BMS1: variants seen among roughly 807,000 people sequenced by gnomAD.
The protein encoded by BMS1 is ribosome biogenesis protein BMS1 homolog.
BMS1 carries 53 observed loss-of-function variants against 138.7 expected under a neutral mutation model. The ratio of observed to expected loss-of-function variants is 0.38; its 90% confidence interval spans 0.31 to 0.48. The LOEUF is 0.48. BMS1 is among the 20% of genes least tolerant of loss of function. The probability of loss-of-function intolerance (pLI) is 0.97; values close to 1 mark genes in which losing one functional copy is unlikely to be tolerated. For missense variants in BMS1, 1,360 were observed against 1,565.5 expected, an observed-to-expected ratio of 0.87 and a Z score of 2.22; for synonymous variants, 504 against 539.9, an observed-to-expected ratio of 0.93 and a Z score of 0.92.
rs758347529 is a variant in BMS1, at chr10:42,797,412, G to A, written c.1988-10G>A. Reference sequence around the variant, plus strand: ...TAAGCCTAACTGGAGGTTGGCATTGGTCGTTTCAGGTGCCCTCAAGTGGAA... The same window carrying A: ...TAAGCCTAACTGGAGGTTGGCATTGATCGTTTCAGGTGCCCTCAAGTGGAA... On this transcript the variant is annotated splice_polypyrimidine_tract_variant and intron_variant, in intron 10 of 22. Transcript: ENST00000374518. The A allele has an allele frequency of 2.5e-6, 4 of 1,614,054 alleles. No individual in the cohort carries two copies. In the South Asian group the frequency reaches 4.4e-5, roughly 18 times the overall value.
At chr10:42,793,573 A>G (rs1041028837) in intron 8 of BMS1, among the ~76,000 whole-genome samples, 1 of 152,200 alleles carries the variant, frequency 6.6e-6, no homozygotes, top group Non-Finnish European at 1.5e-5. Context: ...ATTTTAAAAT[A>G]TTAGAAAAGC....
At chr10:42,799,869 T>C (rs543307299) in intron 12 of BMS1, among the ~76,000 whole-genome samples, 4 of 152,344 alleles carry the variant, frequency 2.6e-5, no homozygotes, top group Non-Finnish European at 2.9e-5. Flanking sequence ...AGTCTATCTT[T>C]TAACATTTTT....
chr10:42,784,283 A>G lies in BMS1; in HGVS notation c.-33-79A>G, dbSNP rs190113118. ...ATCTCTTCATAAAGAAATAAATGAA[A>G]TTTACTGTTTTTCCCTGGGTATTGC... On this transcript the variant is annotated intron_variant, in intron 1 of 22. Coordinates refer to ENST00000374518, the MANE Select transcript of BMS1 (RefSeq NM_014753.4). 884 of 1,027,782 alleles carry G rather than the reference A, an allele frequency of 8.6e-4. 7 individuals carry two copies. The African/African-American group carries it at 0.013, about 15-fold the overall frequency. 63.7% of individuals were successfully genotyped at this position (1,027,782 alleles called of 1,614,324 possible). A position where few individuals can be genotyped will look rare whatever the true frequency, so the allele number is the denominator to read the frequency against.
intron 15 of BMS1, among the ~76,000 whole-genome samples, chr10:42,819,560 C>T (rs1842443396): frequency 6.6e-6 from 1 of 152,052 alleles, no homozygotes; most frequent in South Asian, 2.1e-4. Flanking sequence ...CAGGAAACAG[C>T]CATCAGCTGA....
intron 21 of BMS1, 51 bp from the exon 22 acceptor site, chr10:42,830,210 T>A (rs368570049): frequency 1.9e-6 from 3 of 1,590,568 alleles, no homozygotes; most frequent in Non-Finnish European, 2.6e-6. Context: ...AAGTTTTAAA[T>A]GCACATTGAT....
At position 42,793,029 on chromosome 10, in the gene BMS1, A is replaced by C; in HGVS notation, c.974A>C (p.Lys325Thr). The C allele has an allele frequency of 6.2e-7, 1 of 1,614,126 alleles. No homozygotes were observed. The highest frequency in any genetic ancestry group is 1.1e-5 in the South Asian group (1 of 91,082). ...TGCGCTCTTCCTGAACAACAAAAGA[A>C]GCGCTGTTTAAATGAGAAGGAGAAG... ...DPCALPEQQK[K>T]RCLNEKEKLV... Residue 325 changes from lysine to threonine, a missense_variant, in exon 8 of 23, where the codon AAG becomes ACG. By Grantham distance (78) the Lys-to-Thr change is moderately conservative. Around this residue, in one of 3 missense-constraint regions of BMS1, gnomAD observed 697 missense variants for 686.2 expected, o/e 1.02. Coordinates refer to ENST00000374518, the MANE Select transcript of BMS1 (RefSeq NM_014753.4).
At chr10:42,826,538 G>C (rs7077716) in intron 21 of BMS1, among the ~76,000 whole-genome samples, 1 of 152,078 alleles carries the variant, frequency 6.6e-6, no homozygotes, top group Non-Finnish European at 1.5e-5. Context: ...TTGGGCCCTC[G>C]GGGGCAGGGA....
At chr10:42,822,332 C>T (rs111240232) in intron 19 of BMS1, 148 bp downstream of exon 19, 1 of 543,010 alleles carries the variant, frequency 1.8e-6, no homozygotes, top group Non-Finnish European at 3.1e-6. Flanking sequence ...CCTTTATATT[C>T]TGTGTTACTT....
intron 13 of BMS1, among the ~76,000 whole-genome samples, chr10:42,814,175 T>C (rs1779076064): frequency 6.6e-6 from 1 of 152,248 alleles, no homozygotes; most frequent in Admixed American, 6.5e-5. Context: ...GAATTAGTTA[T>C]TTGCATGCTT....
In BMS1 at chr10:42,831,156, A is replaced by G. The variant is rs1329694330; in HGVS notation, c.*60A>G. On this transcript the variant is annotated 3_prime_UTR_variant, in exon 23 of 23. Coordinates refer to ENST00000374518, the MANE Select transcript of BMS1 (RefSeq NM_014753.4). ...GGAGGTAGACAGTTTCAAACATCAC[A>G]GTTTGAATGCCTGTGAATGACAAGT... is the stretch of plus-strand genomic sequence containing the variant. 7 of 1,453,748 alleles carry G rather than the reference A, an allele frequency of 4.8e-6. No individual in the cohort carries two copies. In the African/African-American group the frequency reaches 1.0e-4, roughly 21 times the overall value. 90.1% of individuals were successfully genotyped at this position (1,453,748 alleles called of 1,614,324 possible). A position where few individuals can be genotyped will look rare whatever the true frequency, so the allele number is the denominator to read the frequency against.
intron 13 of BMS1, among the ~76,000 whole-genome samples, chr10:42,807,082 G>A (rs1157447539): frequency 6.6e-6 from 1 of 151,654 alleles, no homozygotes; most frequent in Non-Finnish European, 1.5e-5. Context: ...ATACTTCTGT[G>A]CTCTTTTATC....
intron 13 of BMS1, among the ~76,000 whole-genome samples, chr10:42,809,041 A>C (rs970668378): frequency 6.6e-6 from 1 of 152,188 alleles, no homozygotes; most frequent in African/African-American, 2.4e-5. Context: ...GTCTACAACA[A>C]CTTACCTGGG....
intron 13 of BMS1, among the ~76,000 whole-genome samples, chr10:42,807,907 C>T (rs1340542814): frequency 6.6e-6 from 1 of 152,140 alleles, no homozygotes; most frequent in Non-Finnish European, 1.5e-5. Context: ...TTTCTACTAG[C>T]AATTATGTGA....
At chr10:42,818,733 C>T (rs1358481930) in intron 15 of BMS1, among the ~76,000 whole-genome samples, 3 of 152,074 alleles carry the variant, frequency 2.0e-5, no homozygotes, top group Non-Finnish European at 4.4e-5. Context: ...ATGTAGATGC[C>T]CTCAGCATGT....
rs754914301 is a variant in BMS1 at position 42,784,584 on chromosome 10, C to T, written c.176+14C>T. 3.8e-5 allele frequency: 61 copies of T among 1,584,690 alleles called. No homozygotes were observed. The highest frequency in any genetic ancestry group is 4.7e-5 in the Non-Finnish European group (55 of 1,169,832). The stretch of plus-strand genomic sequence containing the variant: ...ATCCTTTCACAGGTATGTTAGGCTA[C>T]GGTCTGGTCATTCTTCCATTGATTC... On this transcript the variant is annotated intron_variant, in intron 2 of 22. Coordinates refer to ENST00000374518, the MANE Select transcript of BMS1 (RefSeq NM_014753.4).
At chr10:42,823,319 C>A in intron 20 of BMS1, 54 bp downstream of exon 20, 1 of 1,496,040 alleles carries the variant, frequency 6.7e-7, no homozygotes, top group South Asian at 1.4e-5. Flanking sequence ...TGCTTGACTT[C>A]TAGCCAGTGT....
At chr10:42,802,314 C>T in intron 13 of BMS1, 96 bp downstream of exon 13, 1 of 1,061,286 alleles carries the variant, frequency 9.4e-7, no homozygotes. Flanking sequence ...ATAATAGTCA[C>T]TTGTCAAATG....
rs757174372 is a variant in BMS1 at position 42,791,691 on chromosome 10, A to G, written c.701A>G (p.Asn234Ser). Reference sequence around the variant, plus strand: ...GAATATCAAAACCAAGAAATCCACAATCTGGGCCGTTTTATTACAGTTATG... The same window carrying G: ...GAATATCAAAACCAAGAAATCCACAGTCTGGGCCGTTTTATTACAGTTATG... ...HGEYQNQEIH[N>S]LGRFITVMKF... The change falls in exon 6 of 23, where the codon AAT becomes AGT. Residue 234 changes from asparagine to serine, a missense_variant. Physicochemically the swap from Asn to Ser is conservative, Grantham distance 46. Around this residue, in one of 3 missense-constraint regions of BMS1, gnomAD observed 238 missense variants for 311.1 expected, o/e 0.77. Coordinates refer to ENST00000374518, the MANE Select transcript of BMS1 (RefSeq NM_014753.4). 8.7e-6 allele frequency: 14 copies of G among 1,613,754 alleles called. No homozygotes were observed. Among genetic ancestry groups the G allele is most frequent in the East Asian group, 4.5e-5 (2 of 44,890 alleles).
Position 42,807,363 on chromosome 10 carries a change from A to G in BMS1, c.2329+5145A>G, listed in dbSNP as rs191521997. On this transcript the variant is annotated intron_variant, in intron 13 of 22. Coordinates refer to ENST00000374518, the MANE Select transcript of BMS1 (RefSeq NM_014753.4). ...CCTGGAGATCCATTCAAGTTGGTGC[A>G]TATACCATAGGTCATTCCTTTTTAT... Among the ~76,000 whole-genome samples the G allele has an allele frequency of 1.8e-4, 27 of 152,312 alleles. 1 individual carries two copies. The East Asian group carries it at 4.8e-3, about 27-fold the overall frequency.
Sources: gnomAD v4.1 joint callset for allele counts (sites outside exome capture counted in the v4.1 genomes callset) on GRCh38, gnomAD v4.1.1 for gene constraint, gnomAD v4.1.1 regional missense constraint, MANE v1.5 for transcripts, NCBI Gene and HGNC (gene_info 2026-07-23, HGNC 2026-07-21) for gene names.